Variants in WWC1 observed in about 807,000 individuals in gnomAD.
WWC1 encodes the protein protein KIBRA.
In WWC1, 55 loss-of-function variants were observed where a neutral mutation model predicts 138.4. The ratio of observed to expected loss-of-function variants is 0.40; its 90% CI spans 0.32 to 0.50. The LOEUF is 0.50. Ranked by LOEUF, WWC1 falls within the 20% of genes least tolerant of loss-of-function variation. WWC1 has a pLI of 0.72. For missense variants in WWC1, 1,226 were observed against 1,420.4 expected, an observed-to-expected ratio of 0.86 and a Z score of 2.20; for synonymous variants, 524 against 564.9, an observed-to-expected ratio of 0.93 and a Z score of 1.03.
chr5:168,455,625 G>T, intron 19 of WWC1, 105 bp downstream of exon 19: 1 of 1,429,970 alleles, frequency 7.0e-7, no homozygotes, highest in Non-Finnish European at 9.5e-7. Flanking sequence ...GTGACTTCGG[G>T]TATGTTAACA....
intron 17 of WWC1, 33 bp downstream of exon 17, chr5:168,444,618 G>T (rs150905012): frequency 6.2e-7 from 1 of 1,610,106 alleles, no homozygotes; most frequent in Admixed American, 1.7e-5. Flanking sequence ...CCCAGGAGCT[G>T]CCCTGCCTGG....
chr5:168,322,965 C>T (rs1326999338), intron 1 of WWC1, among the ~76,000 whole-genome samples: 1 of 152,156 alleles, frequency 6.6e-6, no homozygotes, highest in African/African-American at 2.4e-5. Context: ...TTCATATTGA[C>T]AGTGTCCAGC....
At chr5:168,404,293 G>T (rs75747030) in intron 5 of WWC1, among the ~76,000 whole-genome samples, 1,647 of 152,368 alleles carry the variant, frequency 0.011, 24 homozygotes, top group East Asian at 0.026. Context: ...GACACTGGCT[G>T]TGGGGAGCCT....
At chr5:168,307,829 C>G (rs1770715874) in intron 1 of WWC1, among the ~76,000 whole-genome samples, 1 of 152,082 alleles carries the variant, frequency 6.6e-6, no homozygotes, top group South Asian at 2.1e-4. Flanking sequence ...CCAGGCTGGT[C>G]TCGATCTCCT....
intron 1 of WWC1, among the ~76,000 whole-genome samples, chr5:168,307,895 C>T (rs1259830632): frequency 6.6e-6 from 1 of 152,126 alleles, no homozygotes; most frequent in Non-Finnish European, 1.5e-5. Flanking sequence ...CAGGTGTGGG[C>T]CACCATGCCC....
In WWC1 at chr5:168,428,712, G is replaced by T. The variant is rs745680312; in HGVS notation, c.1925G>T (p.Gly642Val). The change falls in exon 13 of 23, where the codon GGT becomes GTT. Residue 642 changes from glycine to valine, a missense_variant. Physicochemically the swap from Gly to Val is moderately radical, Grantham distance 109. Transcript: ENST00000265293. Reference protein sequence around the residue: ...GVYEASVQRLGASEAAAFDSD... With the variant: ...GVYEASVQRLVASEAAAFDSD... ...CCTCCCCTGTTGCCTTTCAGACTGGGTGCTTCAGAAGCTGCTGCATTTGAC... is the reference window on the plus strand; with the variant it reads ...CCTCCCCTGTTGCCTTTCAGACTGGTTGCTTCAGAAGCTGCTGCATTTGAC... 6.2e-7 allele frequency: 1 copy of T among 1,614,018 alleles called. No homozygotes were observed. The highest frequency in any genetic ancestry group is 1.1e-5 in the South Asian group (1 of 91,076).
At chr5:168,339,772 A>G (rs1158607423) in intron 1 of WWC1, among the ~76,000 whole-genome samples, 1 of 149,848 alleles carries the variant, frequency 6.7e-6, no homozygotes, top group Non-Finnish European at 1.5e-5. Flanking sequence ...TAACCCTCAC[A>G]ACGAGACTAT....
chr5:168,388,959 TGA>T lies in WWC1; in HGVS notation c.433+3550_433+3551del, dbSNP rs1778251751. 1.3e-5 allele frequency among the ~76,000 whole-genome samples: 2 copies of T among 151,908 alleles called. 1 individual carries two copies. The highest frequency in any genetic ancestry group is 4.1e-4 in the South Asian group (2 of 4,820). Reference sequence around the variant, plus strand: ...GAGGGCTTATTGTGAACCACCCTAATGAGAGAAAGAAAGAACTGGGGTGGGAA... The same window carrying T: ...GAGGGCTTATTGTGAACCACCCTAATGAGAAAGAAAGAACTGGGGTGGGAA... On this transcript the variant is annotated intron_variant, in intron 3 of 22. Coordinates refer to ENST00000265293, the MANE Select transcript of WWC1 (RefSeq NM_015238.3).
chr5:168,378,041 G>A (rs1053991449), intron 2 of WWC1, among the ~76,000 whole-genome samples: 2 of 152,148 alleles, frequency 1.3e-5, no homozygotes, highest in Admixed American at 6.5e-5. Context: ...CCCATCAGCA[G>A]TGGATTGAAT....
rs1238994169 is a variant in WWC1 at position 168,292,314 on chromosome 5, T to C, written c.119+43T>C. On this transcript the variant is annotated intron_variant, in intron 1 of 22. Transcript: ENST00000265293. This position sits in a 1 kb window ranked among gnomAD's most constrained non-coding sequence, Gnocchi z 4.4. ...TCCTCCGTGCCCCCACACCCCCGCCTGGGCCCCCACCTGCCCCTGGAGCCG... is the reference window on the plus strand; with the variant it reads ...TCCTCCGTGCCCCCACACCCCCGCCCGGGCCCCCACCTGCCCCTGGAGCCG... The C allele has an allele frequency of 1.3e-6, 2 of 1,535,580 alleles. No individual in the cohort carries two copies. Among genetic ancestry groups the C allele is most frequent in the East Asian group, 2.5e-5 (1 of 39,934 alleles).
intron 3 of WWC1, among the ~76,000 whole-genome samples, chr5:168,389,339 C>T (rs533920944): frequency 3.3e-5 from 5 of 150,916 alleles, no homozygotes; most frequent in Non-Finnish European, 5.9e-5. Flanking sequence ...CCCAGCTACT[C>T]GGGAGGCTGA....
intron 15 of WWC1, among the ~76,000 whole-genome samples, chr5:168,439,068 C>T (rs1017715089): frequency 6.6e-6 from 1 of 152,052 alleles, no homozygotes; most frequent in African/African-American, 2.4e-5. Flanking sequence ...TGGTCACTCC[C>T]CCTGGCACCT....
Position 168,403,004 on chromosome 5 carries a change from CTTTTTCTTTCTTTCTT to C in WWC1, c.591-3192_591-3177del, listed in dbSNP as rs1166060837. On this transcript the variant is annotated intron_variant, in intron 5 of 22. Transcript: ENST00000265293. The stretch of plus-strand genomic sequence containing the variant: ...TTAGCAGCCAAAAGCTCTGTTGTTT[CTTTTTCTTTCTTTCTT>C]TCTTTCTTTCTTTCTTTCTTTCTTT... 6.0e-3 allele frequency among the ~76,000 whole-genome samples: 750 copies of C among 125,484 alleles called. 8 individuals carry two copies. Among genetic ancestry groups the C allele is most frequent in the South Asian group, 0.015 (52 of 3,402 alleles). The allele number at this position is 125,484 out of a possible 152,430, so 82.3% of individuals were successfully genotyped here. A position where few individuals can be genotyped will look rare whatever the true frequency, so the allele number is the denominator to read the frequency against.
chr5:168,355,457 A>C (rs530450782), intron 1 of WWC1, among the ~76,000 whole-genome samples: 1 of 144,164 alleles, frequency 6.9e-6, no homozygotes, highest in East Asian at 2.1e-4. Context: ...TCGCGCCACT[A>C]CACTCCAGCC....
intron 1 of WWC1, among the ~76,000 whole-genome samples, chr5:168,298,260 A>G (rs954968662): frequency 1.3e-5 from 2 of 152,048 alleles, no homozygotes; most frequent in African/African-American, 4.8e-5. Flanking sequence ...GCTGGTCTCG[A>G]ACTCCTGACC....
chr5:168,453,362 A>T (rs1185641920), intron 17 of WWC1, among the ~76,000 whole-genome samples: 1 of 152,216 alleles, frequency 6.6e-6, no homozygotes, highest in East Asian at 1.9e-4. Context: ...ACTCTAGAAA[A>T]GTCAAATCTA....
chr5:168,366,743 A>ATC lies in WWC1; in HGVS notation c.120-4678_120-4677dup, dbSNP rs141885374. Among the ~76,000 whole-genome samples the ATC allele has an allele frequency of 4.6e-5, 7 of 150,852 alleles. No individual in the cohort carries two copies. The East Asian group carries it at 1.2e-3, about 25-fold the overall frequency. ...GTTTCAGTCCCGTCCTCCTAACCCC[A>ATC]TCTCCATCCTCACACCCAGCAAGCT... On this transcript the variant is annotated intron_variant, in intron 1 of 22. Transcript: ENST00000265293.
intron 1 of WWC1, among the ~76,000 whole-genome samples, chr5:168,359,627 G>A (rs1775735469): frequency 6.6e-6 from 1 of 152,080 alleles, no homozygotes; most frequent in Non-Finnish European, 1.5e-5. Context: ...ATGTTTTTAT[G>A]TAATTAGAAT....
At chr5:168,429,425 A>G (rs183853934) in intron 13 of WWC1, among the ~76,000 whole-genome samples, 104 of 151,864 alleles carry the variant, frequency 6.8e-4, no homozygotes, top group African/African-American at 2.5e-3. Flanking sequence ...CGCCCGGCTA[A>G]CTTTTGTATT....
Sources: gnomAD v4.1 joint callset for allele counts (sites outside exome capture counted in the v4.1 genomes callset) on GRCh38, gnomAD v4.1.1 for gene constraint, Gnocchi (gnomAD v3.1) non-coding constraint, MANE v1.5 for transcripts, NCBI Gene and HGNC (gene_info 2026-07-23, HGNC 2026-07-21) for gene names.